FARS2: variants seen among roughly 807,000 people sequenced by gnomAD.
FARS2 encodes phenylalanyl-tRNA synthetase 2, mitochondrial, also known as phenylalanine--tRNA ligase, mitochondrial.
In FARS2, 40 loss-of-function variants were observed where a neutral mutation model predicts 46.4. The observed-to-expected ratio is 0.86, with a 90% CI of 0.67 to 1.12. FARS2 has a LOEUF of 1.12. FARS2 is among the 50% of genes most tolerant of loss of function. FARS2 has a pLI of 0.00. For missense variants in FARS2, 513 were observed against 567.9 expected (o/e 0.90, Z 0.98); for synonymous variants, 234 against 214.9 (o/e 1.09, Z -0.78).
At chr6:5,540,477 T>C (rs1234896151) in intron 4 of FARS2, among the ~76,000 whole-genome samples, 1 of 152,190 alleles carries the variant, frequency 6.6e-6, no homozygotes, top group African/African-American at 2.4e-5. Context: ...GTGTAAACTT[T>C]GCTTTTCAGA....
At chr6:5,251,840 T>C in the FARS2 span, among the ~76,000 whole-genome samples, 1 of 152,222 alleles carries the variant, frequency 6.6e-6, no homozygotes, top group Non-Finnish European at 1.5e-5. Flanking sequence ...AAAGAAATCC[T>C]TTGATGAGTG....
chr6:5,364,394 A>G (rs1758515324), intron 1 of FARS2, among the ~76,000 whole-genome samples: 1 of 152,158 alleles, frequency 6.6e-6, no homozygotes, highest in Non-Finnish European at 1.5e-5. Context: ...ATTGCCCATT[A>G]TATTGTATTT....
In FARS2 at chr6:5,353,726, G is replaced by GTTTTTTTTTTTTTTTTTTTT. The variant is rs55998904; in HGVS notation, c.-21-14821_-21-14802dup. On this transcript the variant is annotated intron_variant, in intron 1 of 6. Transcript: ENST00000274680. ...CTGTTTTTAAATTGTAATATTTGGT[G>GTTTTTTTTTTTTTTTTTTTT]TTTTTTTTTTTTTTTTTTTTTTGCT... is the stretch of plus-strand genomic sequence containing the variant. 1.5e-3 allele frequency among the ~76,000 whole-genome samples: 62 copies of GTTTTTTTTTTTTTTTTTTTT among 40,378 alleles called. 1 individual carries two copies. The highest frequency in any genetic ancestry group is 1.9e-3 in the Admixed American group (5 of 2,576). The allele number at this position is 40,378 out of a possible 152,430, so 26.5% of individuals were successfully genotyped here.
chr6:5,320,325 G>A (rs1769878856), intron 1 of FARS2, among the ~76,000 whole-genome samples: 1 of 152,228 alleles, frequency 6.6e-6, no homozygotes, highest in Non-Finnish European at 1.5e-5. Flanking sequence ...GGAGGGAGGG[G>A]CTGCAGAAGT....
At chr6:5,530,654 TA>T (rs1769764437) in intron 4 of FARS2, among the ~76,000 whole-genome samples, 2 of 147,630 alleles carry the variant, frequency 1.4e-5, no homozygotes, top group Admixed American at 1.4e-4. Flanking sequence ...TATTTAAAAA[TA>T]TATTTATATA....
upstream of FARS2, chr6:5,260,661 C>G (rs1234585030): frequency 6.8e-7 from 1 of 1,467,162 alleles, no homozygotes; most frequent in Non-Finnish European, 9.1e-7. Flanking sequence ...TAATTGTAGG[C>G]GCTGAAACGC....
intron 4 of FARS2, among the ~76,000 whole-genome samples, chr6:5,503,373 AACACACACACACAC>A (rs72295741): frequency 4.5e-4 from 61 of 136,266 alleles, no homozygotes; most frequent in African/African-American, 1.6e-3. Context: ...AGGTATTCTT[AACACACACACACAC>A]ACACACACAC....
At chr6:5,460,819 T>G (rs189728741) in intron 4 of FARS2, among the ~76,000 whole-genome samples, 1 of 152,212 alleles carries the variant, frequency 6.6e-6, no homozygotes, top group African/African-American at 2.4e-5. Flanking sequence ...TACATCTAAT[T>G]GGAGAAACCT....
upstream of FARS2, chr6:5,260,944 A>T: frequency 7.5e-7 from 1 of 1,339,486 alleles, no homozygotes; most frequent in Non-Finnish European, 9.5e-7. Flanking sequence ...GGGCGCAGGC[A>T]GGGCTCGGGG....
At chr6:5,735,288 C>A (rs1481735914) in intron 6 of FARS2, among the ~76,000 whole-genome samples, 9 of 152,204 alleles carry the variant, frequency 5.9e-5, no homozygotes, top group African/African-American at 1.7e-4. Flanking sequence ...TAGTTTGATT[C>A]CAGATTCTCT....
intron 4 of FARS2, among the ~76,000 whole-genome samples, chr6:5,534,837 G>T (rs776913457): frequency 6.6e-6 from 1 of 150,554 alleles, no homozygotes. Context: ...GCACACACAC[G>T]CACGCATACA....
At chr6:5,570,401 C>T (rs1400681370) in intron 5 of FARS2, among the ~76,000 whole-genome samples, 1 of 152,134 alleles carries the variant, frequency 6.6e-6, no homozygotes, top group Non-Finnish European at 1.5e-5. Flanking sequence ...TGATAAAAAC[C>T]ACAACATCTT....
intron 4 of FARS2, among the ~76,000 whole-genome samples, chr6:5,432,837 G>A (rs1210450665): frequency 1.3e-5 from 2 of 152,120 alleles, no homozygotes; most frequent in Admixed American, 6.5e-5. Flanking sequence ...GGAAAATGAG[G>A]ATGAGCAGAG....
intron 5 of FARS2, among the ~76,000 whole-genome samples, chr6:5,582,646 C>T (rs1438676375): frequency 6.6e-6 from 1 of 152,212 alleles, no homozygotes; most frequent in African/African-American, 2.4e-5. Context: ...AGAGCCATTG[C>T]TACCAGATAA....
intron 6 of FARS2, among the ~76,000 whole-genome samples, chr6:5,635,316 C>G (rs1024076673): frequency 5.3e-5 from 8 of 152,158 alleles, no homozygotes; most frequent in Non-Finnish European, 1.0e-4. Flanking sequence ...TATGTTTACT[C>G]TAGTTAAGCC....
chr6:5,345,178 G>A (rs1410782406), intron 1 of FARS2, among the ~76,000 whole-genome samples: 7 of 149,832 alleles, frequency 4.7e-5, no homozygotes, highest in Admixed American at 4.0e-4. Flanking sequence ...CCTGGTTGGC[G>A]ACTAAAGAAA....
rs114165045 is a variant in FARS2 at position 5,757,581 on chromosome 6, A to G, written c.1218-13710A>G. Among the ~76,000 whole-genome samples the G allele has an allele frequency of 2.8e-3, 423 of 152,326 alleles. 4 individuals are homozygous for G. Among genetic ancestry groups the G allele is most frequent in the African/African-American group, 9.5e-3 (394 of 41,574 alleles). On this transcript the variant is annotated intron_variant, in intron 6 of 6. Transcript: ENST00000274680. The stretch of plus-strand genomic sequence containing the variant: ...AGGGATCAGCCTTATGAAACCTGCT[A>G]GTGCTTTGAGGTGGGATATAGCTGA...
chr6:5,704,322 C>G (rs1014245645), intron 6 of FARS2, among the ~76,000 whole-genome samples: 8 of 152,164 alleles, frequency 5.3e-5, no homozygotes, highest in African/African-American at 1.7e-4. Context: ...GACACCAATC[C>G]CTTCATAAGG....
intron 6 of FARS2, among the ~76,000 whole-genome samples, chr6:5,726,640 G>C (rs529343742): frequency 4.9e-4 from 74 of 152,344 alleles, no homozygotes; most frequent in African/African-American, 1.7e-3. Context: ...ATGTGCCCAG[G>C]ATCCCTCTAT....
Sources: allele counts gnomAD v4.1 joint callset (sites outside exome capture counted in the v4.1 genomes callset), GRCh38; gene constraint gnomAD v4.1.1; transcripts MANE v1.5; gene names NCBI Gene and HGNC (gene_info 2026-07-23, HGNC 2026-07-21).